The following ADRA1B variants were observed in gnomAD, a reference collection of about 807,000 sequenced individuals.
The protein encoded by ADRA1B is alpha-1B adrenergic receptor.
In ADRA1B, 17 loss-of-function variants were observed where a neutral mutation model predicts 17.9. The ratio of observed to expected loss-of-function variants is 0.95; its 90% CI spans 0.65 to 1.42. ADRA1B has a LOEUF of 1.42. ADRA1B is among the 40% of genes most tolerant of loss of function. ADRA1B has a pLI of 0.00. For missense variants in ADRA1B, 681 were observed against 722.1 expected (o/e 0.94, Z 0.65); for synonymous variants, 366 against 327.6 (o/e 1.12, Z -1.27).
rs1433370233 is a variant in ADRA1B at position 159,972,343 on chromosome 5, C to A, written c.1414C>A (p.Pro472Thr). Residue 472 changes from proline (P) to threonine (T), a missense_variant, in exon 2 of 2, where the codon CCG becomes ACG. By Grantham distance (38) the Pro-to-Thr change is conservative (BLOSUM62 -1). This residue lies in a region of ADRA1B where 251 missense variants were observed against 224.9 expected (regional missense o/e 1.12). Transcript: ENST00000306675. ...PGRRGRHDSG[P>T]LFTFKLLTEP... ...CCGCCGCGGCCGCCACGACTCGGGCCCGCTCTTCACCTTCAAGCTCCTGAC... is the reference window on the plus strand; with the variant it reads ...CCGCCGCGGCCGCCACGACTCGGGCACGCTCTTCACCTTCAAGCTCCTGAC... 1.5e-5 allele frequency: 22 copies of A among 1,484,822 alleles called. No individual in the cohort carries two copies. The highest frequency in any genetic ancestry group is 4.4e-5 in the African/African-American group (3 of 68,546). 92.0% of individuals were successfully genotyped at this position (1,484,822 alleles called of 1,614,324 possible).
At chr5:159,884,249 G>C (rs1233666875) in intron 1 of ADRA1B, among the ~76,000 whole-genome samples, 1 of 152,230 alleles carries the variant, frequency 6.6e-6, no homozygotes, top group African/African-American at 2.4e-5. Flanking sequence ...TTGGGGTTGT[G>C]TTATGGCTTG....
chr5:159,956,085 A>T (rs1755545776), intron 1 of ADRA1B, among the ~76,000 whole-genome samples: 1 of 152,118 alleles, frequency 6.6e-6, no homozygotes, highest in Non-Finnish European at 1.5e-5. Context: ...CTCTACAAAA[A>T]AGTTTTCAAT....
the ADRA1B span, among the ~76,000 whole-genome samples, chr5:159,978,930 CAAGCTATTCTTA>C: frequency 6.6e-6 from 1 of 152,334 alleles, no homozygotes; most frequent in South Asian, 2.1e-4. Flanking sequence ...ATTCATTCTA[CAAGCTATTCTTA>C]AACACCTACA....
intron 1 of ADRA1B, among the ~76,000 whole-genome samples, chr5:159,873,130 A>G (rs1753766401): frequency 6.6e-6 from 1 of 152,170 alleles, no homozygotes; most frequent in Non-Finnish European, 1.5e-5. Context: ...GCTGCATAGT[A>G]TTCCATAGTG....
chr5:159,880,022 A>T (rs1383972268), intron 1 of ADRA1B, among the ~76,000 whole-genome samples: 1 of 152,182 alleles, frequency 6.6e-6, no homozygotes, highest in African/African-American at 2.4e-5. Context: ...AATTAAAATT[A>T]AAAACTTTAA....
chr5:159,972,137 G>A lies in ADRA1B; in HGVS notation c.1208G>A (p.Arg403His). Residue 403 changes from arginine (R) to histidine (H), a missense_variant, in exon 2 of 2, where the codon CGC becomes CAC. Physicochemically the swap from Arg to His is conservative, Grantham distance 29. Transcript: ENST00000306675. ...GGCTCGCTGGAGCGCTCGCAGTCGC[G>A]CAAGGACTCGCTGGACGACAGCGGC... Reference protein sequence around the residue: ...RGGSLERSQSRKDSLDDSGSC... With the variant: ...RGGSLERSQSHKDSLDDSGSC... The A allele has an allele frequency of 7.4e-7, 1 of 1,347,478 alleles. No individual in the cohort carries two copies. The highest frequency in any genetic ancestry group is 9.6e-7 in the Non-Finnish European group (1 of 1,039,126). 83.5% of individuals were successfully genotyped at this position (1,347,478 alleles called of 1,614,324 possible).
At chr5:159,957,171 C>A (rs1475565938) in intron 1 of ADRA1B, among the ~76,000 whole-genome samples, 1 of 152,090 alleles carries the variant, frequency 6.6e-6, no homozygotes, top group Admixed American at 6.6e-5. Flanking sequence ...TGTCCCCAGC[C>A]TTATTTTGCT....
the ADRA1B span, among the ~76,000 whole-genome samples, chr5:159,984,409 G>A: frequency 6.6e-6 from 1 of 152,076 alleles, no homozygotes; most frequent in Non-Finnish European, 1.5e-5. Flanking sequence ...CTTGACTTCT[G>A]TCTGACCCTT....
intron 1 of ADRA1B, among the ~76,000 whole-genome samples, chr5:159,937,213 G>A (rs914186758): frequency 1.3e-5 from 2 of 152,232 alleles, no homozygotes; most frequent in Admixed American, 1.3e-4. Flanking sequence ...CAGCTCAGAT[G>A]TGGAGGAATC....
chr5:159,891,240 C>G (rs1400878077), intron 1 of ADRA1B, among the ~76,000 whole-genome samples: 10 of 152,212 alleles, frequency 6.6e-5, no homozygotes, highest in Admixed American at 6.5e-4. Flanking sequence ...CTTTATAGTA[C>G]TTTTGCTTGC....
Position 159,903,131 on chromosome 5 carries a change from C to T in ADRA1B, c.-255-12988C>T, listed in dbSNP as rs537757485. Among the ~76,000 whole-genome samples the T allele has an allele frequency of 2.4e-3, 363 of 152,300 alleles. 2 individuals are homozygous for T. Among genetic ancestry groups the T allele is most frequent in the Admixed American group, 3.4e-3 (52 of 15,308 alleles). On this transcript the variant is annotated intron_variant, in intron 1 of 2. Transcript: ENST00000641205. ...AACAGCCCGGCAGGACCTTACCATT[C>T]TCTAGTTTGGAACCAGCATCCTGTC...
At position 159,939,300 on chromosome 5, in the gene ADRA1B, T is replaced by A. The variant is rs1473699739; in HGVS notation, c.949+21446T>A. ...GAGAGTGTGTGTGTGTGTGTGTGTGTGTGTGTGTGTGTGTGTGTGTGTGCG... is the reference window on the plus strand; with the variant it reads ...GAGAGTGTGTGTGTGTGTGTGTGTGAGTGTGTGTGTGTGTGTGTGTGTGCG... On this transcript the variant is annotated intron_variant, in intron 1 of 1. Transcript: ENST00000306675. Among the ~76,000 whole-genome samples the A allele has an allele frequency of 5.4e-3, 778 of 142,932 alleles. 8 individuals carry two copies. Among genetic ancestry groups the A allele is most frequent in the African/African-American group, 0.019 (727 of 39,260 alleles). 93.8% of individuals were successfully genotyped at this position (142,932 alleles called of 152,430 possible). A position where few individuals can be genotyped will look rare whatever the true frequency, so the allele number is the denominator to read the frequency against.
At chr5:159,872,375 C>T (rs1034300110) in intron 1 of ADRA1B, among the ~76,000 whole-genome samples, 1 of 152,152 alleles carries the variant, frequency 6.6e-6, no homozygotes, top group African/African-American at 2.4e-5. Context: ...TAGAAGCCAG[C>T]TGATGCAGGA....
chr5:159,888,403 G>A (rs933753814), intron 1 of ADRA1B: 1 of 152,074 alleles, frequency 6.6e-6, no homozygotes, highest in African/African-American at 2.4e-5. Context: ...GGAAGTAATG[G>A]AGCCTATTTG....
At chr5:159,928,625 T>C (rs1754722247) in intron 1 of ADRA1B, among the ~76,000 whole-genome samples, 1 of 152,200 alleles carries the variant, frequency 6.6e-6, no homozygotes, top group Non-Finnish European at 1.5e-5. Context: ...TGGGATGAAT[T>C]TGGGGCTTGG....
chr5:159,936,366 G>C (rs1443571005), intron 1 of ADRA1B, among the ~76,000 whole-genome samples: 1 of 152,140 alleles, frequency 6.6e-6, no homozygotes, highest in East Asian at 1.9e-4. Flanking sequence ...ATTATAATTT[G>C]TTCTTTGAAA....
intron 1 of ADRA1B, among the ~76,000 whole-genome samples, chr5:159,945,019 GTGA>G (rs1158404770): frequency 6.6e-6 from 1 of 152,164 alleles, no homozygotes; most frequent in Non-Finnish European, 1.5e-5. Context: ...GAGCAGGGTG[GTGA>G]TGATCAAGAA....
At chr5:159,926,351 T>G (rs1349586481) in intron 1 of ADRA1B, among the ~76,000 whole-genome samples, 1 of 152,180 alleles carries the variant, frequency 6.6e-6, no homozygotes, top group Non-Finnish European at 1.5e-5. Flanking sequence ...GTGCTTGTCA[T>G]GTTTCTCTCT....
intron 1 of ADRA1B, among the ~76,000 whole-genome samples, chr5:159,902,056 G>C (rs895029221): frequency 6.6e-6 from 1 of 152,198 alleles, no homozygotes; most frequent in Non-Finnish European, 1.5e-5. Context: ...ACCCATGTTT[G>C]CTGCAGCATT....
Sources: gnomAD v4.1 joint callset for allele counts (sites outside exome capture counted in the v4.1 genomes callset) on GRCh38, gnomAD v4.1.1 for gene constraint, gnomAD v4.1.1 regional missense constraint, MANE v1.5 for transcripts, NCBI Gene and HGNC (gene_info 2026-07-23, HGNC 2026-07-21) for gene names.